EIF2AK3: variants seen among roughly 807,000 people sequenced by gnomAD.
EIF2AK3 encodes eukaryotic translation initiation factor 2-alpha kinase 3.
Under a neutral mutation model 113.5 loss-of-function variants are expected in EIF2AK3, and 50 were observed. That is an observed-to-expected ratio of 0.44 (90% CI 0.35 to 0.56). The LOEUF (loss-of-function observed/expected upper bound fraction) is 0.56. Among genes scored for constraint, EIF2AK3 ranks in the 20% least tolerant of loss-of-function variants. EIF2AK3 has a pLI of 0.00. For synonymous variants in EIF2AK3, 448 were observed against 495.4 expected (o/e 0.90, Z 1.27); for missense variants, 1,185 against 1,378.0 (o/e 0.86, Z 2.22).
chr2:88,616,463 G>C (rs1675571476), intron 1 of EIF2AK3, among the ~76,000 whole-genome samples: 1 of 152,124 alleles, frequency 6.6e-6, no homozygotes, highest in Admixed American at 6.5e-5. Context: ...TTGCGCTCTT[G>C]TCGCCCAGGC....
chr2:88,611,351 G>A (rs537563305), intron 2 of EIF2AK3, among the ~76,000 whole-genome samples: 37 of 152,222 alleles, frequency 2.4e-4, no homozygotes, highest in African/African-American at 8.4e-4. Flanking sequence ...AAGCAGCATC[G>A]AGTATATGTT....
chr2:88,594,373 T>G (rs1271521721), intron 3 of EIF2AK3, among the ~76,000 whole-genome samples: 1 of 152,142 alleles, frequency 6.6e-6, no homozygotes, highest in Non-Finnish European at 1.5e-5. Context: ...ATTTTTTTAT[T>G]TTTAGCAGAG....
rs55791823 is a variant in EIF2AK3, at chr2:88,583,496, T to C, written c.1697A>G (p.Asp566Gly). The change falls in exon 10 of 17, where the codon GAT (aspartate) becomes GGT (glycine). Residue 566 changes from aspartate (D) to glycine (G), a missense_variant. Coordinates refer to ENST00000303236, the MANE Select transcript of EIF2AK3 (RefSeq NM_004836.7). ...GTCATTGGCTTCACCACTTACAGAA[T>C]CATATTTATTTTCAGTTTGACACTG... ...ETQCQTENKY[D>G]SVSGEANDSS... 8.1e-6 allele frequency: 13 copies of C among 1,613,288 alleles called. No individual in the cohort carries two copies. The Admixed American group carries it at 1.3e-4, about 17-fold the overall frequency.
At chr2:88,617,769 A>G (rs893932170) in intron 1 of EIF2AK3, among the ~76,000 whole-genome samples, 2 of 146,616 alleles carry the variant, frequency 1.4e-5, no homozygotes, top group Admixed American at 1.4e-4. Flanking sequence ...AAAAAAAAAG[A>G]AAAACTACCA....
intron 4 of EIF2AK3, among the ~76,000 whole-genome samples, chr2:88,592,120 G>A (rs1417878222): frequency 6.6e-6 from 1 of 151,984 alleles, no homozygotes; most frequent in Non-Finnish European, 1.5e-5. Context: ...TACTACAAAG[G>A]CAATTTAAAA....
Position 88,571,034 on chromosome 2 carries a change from T to C in EIF2AK3, c.2825A>G (p.Asn942Ser). 1.2e-6 allele frequency: 2 copies of C among 1,614,108 alleles called. No individual in the cohort carries two copies. Among genetic ancestry groups the C allele is most frequent in the Non-Finnish European group, 8.5e-7 (1 of 1,180,016 alleles). Residue 942 changes from asparagine to serine, a missense_variant, in exon 14 of 17, where the codon AAC (asparagine) becomes AGC (serine). By Grantham distance (46) the Asn-to-Ser change is conservative. Transcript: ENST00000303236. ...CACATCATCCATTGTAAAGAATATGTTGGATGGCTGGAAAGAATACAACAG... is the reference window on the plus strand; with the variant it reads ...CACATCATCCATTGTAAAGAATATGCTGGATGGCTGGAAAGAATACAACAG... ...GLMHRDLKPS[N>S]IFFTMDDVVK...
chr2:88,580,929 A>G (rs1674583766), intron 10 of EIF2AK3, among the ~76,000 whole-genome samples: 1 of 152,198 alleles, frequency 6.6e-6, no homozygotes, highest in African/African-American at 2.4e-5. Flanking sequence ...CCCAAATGCA[A>G]AAGCCCACAA....
rs1178109063 is a variant in EIF2AK3 at position 88,574,776 on chromosome 2, G to A, written c.2707C>T (p.Arg903Ter). 4 of 1,614,152 alleles carry A rather than the reference G, an allele frequency of 2.5e-6. No homozygotes were observed. Among genetic ancestry groups the A allele is most frequent in the Non-Finnish European group, 2.5e-6 (3 of 1,180,016 alleles). The change falls in exon 13 of 17, where the codon CGA becomes TGA. Residue 903 changes from arginine to a stop codon, truncating the protein, a stop_gained. Transcript: ENST00000303236. LOFTEE classifies it high-confidence loss of function. ...KENLKDWMNG[R>*]CTIEERERSV... ...CTCTCTCTCTCCTCTATGGTACATC[G>A]TCCATTCATCCAGTCTTTGAGGTTT...
chr2:88,583,227 T>A (rs887618175), intron 10 of EIF2AK3, among the ~76,000 whole-genome samples: 1 of 152,194 alleles, frequency 6.6e-6, no homozygotes, highest in African/African-American at 2.4e-5. Context: ...GCTGAAATTC[T>A]AAATTCCTAT....
At chr2:88,578,681 CAAAAA>C (rs763427318) in intron 11 of EIF2AK3, among the ~76,000 whole-genome samples, 1 of 78,058 alleles carries the variant, frequency 1.3e-5, no homozygotes. Context: ...GACCCTGTCT[CAAAAA>C]AAAAAAAAAA....
chr2:88,592,300 A>G lies in EIF2AK3; in HGVS notation c.767+972T>C, dbSNP rs974455137. On this transcript the variant is annotated intron_variant, in intron 4 of 16. Transcript: ENST00000303236. ...GGCTAAATAAATGTTTTAATACTTC[A>G]AGAAAATTGAATAAGATGATTATTA... 4.5e-4 allele frequency among the ~76,000 whole-genome samples: 68 copies of G among 152,332 alleles called. 1 individual carries two copies. The highest frequency in any genetic ancestry group is 1.6e-3 in the African/African-American group (65 of 41,580).
intron 2 of EIF2AK3, among the ~76,000 whole-genome samples, chr2:88,607,415 G>C (rs773310531): frequency 6.6e-6 from 1 of 152,314 alleles, no homozygotes; most frequent in African/African-American, 2.4e-5. Flanking sequence ...ATCTGTTAAA[G>C]CTAATAGAGT....
intron 14 of EIF2AK3, among the ~76,000 whole-genome samples, chr2:88,569,224 C>T (rs1211531302): frequency 2.0e-5 from 3 of 151,680 alleles, no homozygotes; most frequent in African/African-American, 7.3e-5. Context: ...ACAATGAGAC[C>T]GGGCATGGTA....
At chr2:88,601,183 A>G (rs1320652106) in intron 2 of EIF2AK3, among the ~76,000 whole-genome samples, 2 of 152,218 alleles carry the variant, frequency 1.3e-5, no homozygotes. Flanking sequence ...CCACAAAGGA[A>G]CTTCTTTCAA....
At position 88,579,613 on chromosome 2, in the gene EIF2AK3, T is replaced by C. The variant is rs1805164; in HGVS notation, c.1791A>G (p.Gln597=). The C allele has an allele frequency of 0.29, 467,128 of 1,612,230 alleles. 69,210 individuals carry two copies. The highest frequency in any genetic ancestry group is 0.36 in the Admixed American group (21,454 of 59,964). The change falls in exon 11 of 17, where the codon CAA becomes CAG. Residue 597 remains glutamine, a synonymous_variant. Transcript: ENST00000303236. ...SRYLTDFEPI[Q]CLGRGGFGVV... ...CTCCAAAGCCACCACGTCCCAGGCA[T>C]TGAATTGGCTCAAAATCAGTTAGAT...
Position 88,588,001 on chromosome 2 carries a change from T to A in EIF2AK3, c.1410A>T (p.Ser470=). ...SHEEYSNGAL[S]ILQYPYDNGY... ...ACTTACCATATGGATACTGCAAGAT[T>A]GAAAGTGCACCATTACTATATTCTT... The change falls in exon 8 of 17, where the codon TCA becomes TCT. Residue 470 remains serine (S), a synonymous_variant. Transcript: ENST00000303236. The A allele has an allele frequency of 6.3e-7, 1 of 1,583,244 alleles. No homozygotes were observed. The highest frequency in any genetic ancestry group is 8.6e-7 in the Non-Finnish European group (1 of 1,159,374).
At chr2:88,612,790 T>G (rs1327690964) in intron 2 of EIF2AK3, among the ~76,000 whole-genome samples, 1 of 152,140 alleles carries the variant, frequency 6.6e-6, no homozygotes, top group Non-Finnish European at 1.5e-5. Context: ...TTTTCCATAC[T>G]TAATATCAGC....
At chr2:88,620,295 C>G (rs1016452763) in intron 1 of EIF2AK3, among the ~76,000 whole-genome samples, 16 of 152,164 alleles carry the variant, frequency 1.1e-4, no homozygotes, top group African/African-American at 3.4e-4. Context: ...CACACTCCCC[C>G]CTTTCCATGG....
intron 1 of EIF2AK3, among the ~76,000 whole-genome samples, chr2:88,626,742 T>TG (rs1050197486): frequency 6.6e-6 from 1 of 152,244 alleles, no homozygotes; most frequent in Non-Finnish European, 1.5e-5. Flanking sequence ...GATGCTGCTC[T>TG]GACCCGTCGG....
Sources: gnomAD v4.1 joint callset for allele counts (sites outside exome capture counted in the v4.1 genomes callset) on GRCh38, gnomAD v4.1.1 for gene constraint, MANE v1.5 for transcripts, NCBI Gene and HGNC (gene_info 2026-07-23, HGNC 2026-07-21) for gene names.